CAB39L: variants seen among roughly 807,000 people sequenced by gnomAD.
CAB39L encodes calcium-binding protein 39-like.
Under a neutral mutation model 39.1 loss-of-function variants are expected in CAB39L, and 23 were observed. That is an observed-to-expected ratio of 0.59 (90% CI 0.42 to 0.83). The LOEUF is 0.83. Ranked by LOEUF, CAB39L falls within the 40% of genes least tolerant of loss-of-function variation. The pLI, the probability that CAB39L is intolerant of heterozygous loss-of-function variation, is 0.00. For synonymous variants in CAB39L, 126 were observed against 137.2 expected, an observed-to-expected ratio of 0.92 and a Z score of 0.57; for missense variants, 366 against 391.9, an observed-to-expected ratio of 0.93 and a Z score of 0.56.
At chr13:49,371,410 G>A (rs116792251) in intron 5 of CAB39L, among the ~76,000 whole-genome samples, 1,995 of 152,072 alleles carry the variant, frequency 0.013, 41 homozygotes, top group African/African-American at 0.045. Context: ...GGCTGGTCTC[G>A]AACTCCTGAA....
At chr13:49,443,083 T>TAAAA (rs71078845) in intron 1 of CAB39L, among the ~76,000 whole-genome samples, 12 of 116,510 alleles carry the variant, frequency 1.0e-4, no homozygotes, top group African/African-American at 3.0e-4. Context: ...ACAACAATGC[T>TAAAA]AAAAAAAAAA....
chr13:49,319,402 A>T (rs1281166652), intron 10 of CAB39L, among the ~76,000 whole-genome samples: 2 of 152,128 alleles, frequency 1.3e-5, no homozygotes, highest in Non-Finnish European at 2.9e-5. Context: ...AGATCCATGG[A>T]GCCAGAAAGC....
At chr13:49,436,553 C>CTTTTTTTTTTTT (rs57141770) in intron 1 of CAB39L, among the ~76,000 whole-genome samples, 1 of 73,466 alleles carries the variant, frequency 1.4e-5, no homozygotes, top group Non-Finnish European at 2.3e-5. Context: ...TTCTTTATGA[C>CTTTTTTTTTTTT]TTTTTTTTTT....
At chr13:49,340,493 C>T (rs534899221) in intron 8 of CAB39L, among the ~76,000 whole-genome samples, 3 of 152,094 alleles carry the variant, frequency 2.0e-5, no homozygotes, top group East Asian at 1.9e-4. Context: ...GAGTGTGTGC[C>T]GCTGTGTAAT....
At chr13:49,420,989 G>A (rs1294179430) in intron 3 of CAB39L, among the ~76,000 whole-genome samples, 1 of 152,136 alleles carries the variant, frequency 6.6e-6, no homozygotes, top group Non-Finnish European at 1.5e-5. Flanking sequence ...GAACTAGTGA[G>A]CAAAATATCT....
At chr13:49,369,364 G>A (rs532184813) in intron 5 of CAB39L, among the ~76,000 whole-genome samples, 178 of 152,290 alleles carry the variant, frequency 1.2e-3, no homozygotes, top group African/African-American at 4.2e-3. Flanking sequence ...CCATGCAATG[G>A]ACTACTACTC....
At position 49,315,895 on chromosome 13, in the gene CAB39L, A is replaced by AG. The variant is rs1555320074; in HGVS notation, c.835-4903_835-4902insC. On this transcript the variant is annotated intron_variant, in intron 10 of 10. Coordinates refer to ENST00000409308, the MANE Select transcript of CAB39L (RefSeq NM_001079670.3). Reference sequence around the variant, plus strand: ...GCAAGTCTCCATCTCAAAAAAAAAAAAAAAGAAAAGAAAAGAAAAGAAAGA... The same window carrying AG: ...GCAAGTCTCCATCTCAAAAAAAAAAAGAAAAGAAAAGAAAAGAAAAGAAAGA... Among the ~76,000 whole-genome samples, 27 of 151,502 alleles carry AG rather than the reference A, an allele frequency of 1.8e-4. No individual in the cohort carries two copies. In the East Asian group the frequency reaches 4.4e-3, roughly 25 times the overall value.
At chr13:49,430,732 G>T (rs2138730979) in intron 3 of CAB39L, among the ~76,000 whole-genome samples, 1 of 152,266 alleles carries the variant, frequency 6.6e-6, no homozygotes, top group African/African-American at 2.4e-5. Context: ...CTCAGGGTCT[G>T]GATGTTTCTG....
At chr13:49,439,930 T>TTTG (rs1389724506) in intron 1 of CAB39L, among the ~76,000 whole-genome samples, 10 of 134,682 alleles carry the variant, frequency 7.4e-5, no homozygotes, top group Non-Finnish European at 1.1e-4. Flanking sequence ...GGTTTTTTTT[T>TTTG]TTTTTTTTTT....
chr13:49,427,491 C>A (rs888609969), intron 3 of CAB39L, among the ~76,000 whole-genome samples: 19 of 152,084 alleles, frequency 1.2e-4, no homozygotes, highest in Non-Finnish European at 2.6e-4. Context: ...GAGTTTGAGA[C>A]CACCCTGGGC....
At chr13:49,357,499 C>A (rs1178662760) in intron 6 of CAB39L, among the ~76,000 whole-genome samples, 1 of 152,120 alleles carries the variant, frequency 6.6e-6, no homozygotes, top group African/African-American at 2.4e-5. Flanking sequence ...AGAATTAAAA[C>A]CAGAGGTGTA....
chr13:49,397,512 G>T (rs954007859), intron 3 of CAB39L, among the ~76,000 whole-genome samples: 4 of 151,900 alleles, frequency 2.6e-5, no homozygotes, highest in Admixed American at 6.6e-5. Flanking sequence ...CAGTAACACT[G>T]AAATACATTT....
At chr13:49,379,835 C>T (rs9535216) in intron 4 of CAB39L, among the ~76,000 whole-genome samples, 82,471 of 150,794 alleles carry the variant, frequency 0.55, 23,918 homozygotes, top group African/African-American at 0.73. Flanking sequence ...TCAACATACA[C>T]TAAATAATCT....
At chr13:49,362,397 T>C (rs1182900866) in intron 5 of CAB39L, among the ~76,000 whole-genome samples, 1 of 151,910 alleles carries the variant, frequency 6.6e-6, no homozygotes, top group Non-Finnish European at 1.5e-5. Flanking sequence ...TAATACAGAT[T>C]GAAATAATTA....
At chr13:49,363,078 C>T (rs923340535) in intron 5 of CAB39L, among the ~76,000 whole-genome samples, 51 of 152,140 alleles carry the variant, frequency 3.4e-4, no homozygotes, top group African/African-American at 1.2e-3. Context: ...CTAGACCCAT[C>T]CTACAAGAAA....
chr13:49,415,529 AAAAAATT>A (rs1470188166), intron 3 of CAB39L, among the ~76,000 whole-genome samples: 1 of 152,260 alleles, frequency 6.6e-6, no homozygotes, highest in South Asian at 2.1e-4. Context: ...TTGGAAAAAA[AAAAAATT>A]AAATTAAAAT....
At chr13:49,385,239 T>C (rs1456073255) in intron 3 of CAB39L, among the ~76,000 whole-genome samples, 2 of 152,248 alleles carry the variant, frequency 1.3e-5, no homozygotes, top group East Asian at 1.9e-4. Context: ...AGATGGCTTC[T>C]TTCTTTAAAC....
In CAB39L at chr13:49,332,729, A is replaced by G. The variant is rs1954745246; in HGVS notation, c.691-639T>C. ...ATACCCAAAGTAAGAATAGTTGAAGACCCTCTAGCAACATGGCTGAATGTA... is the reference window on the plus strand; with the variant it reads ...ATACCCAAAGTAAGAATAGTTGAAGGCCCTCTAGCAACATGGCTGAATGTA... On this transcript the variant is annotated intron_variant, in intron 9 of 10. Transcript: ENST00000409308. 2.0e-5 allele frequency among the ~76,000 whole-genome samples: 3 copies of G among 151,840 alleles called. No homozygotes were observed. In the South Asian group the frequency reaches 6.2e-4, roughly 32 times the overall value.
At chr13:49,358,455 A>G (rs1421772290) in intron 6 of CAB39L, among the ~76,000 whole-genome samples, 1 of 152,246 alleles carries the variant, frequency 6.6e-6, no homozygotes. Flanking sequence ...AAAAATTAGT[A>G]TAAGCCCATT....
Sources: allele counts gnomAD v4.1 joint callset (sites outside exome capture counted in the v4.1 genomes callset), GRCh38; gene constraint gnomAD v4.1.1; transcripts MANE v1.5; gene names NCBI Gene and HGNC (gene_info 2026-07-23, HGNC 2026-07-21).